SNAP91: variants seen among roughly 807,000 people sequenced by gnomAD.
SNAP91 encodes the protein clathrin coat assembly protein AP180.
Under a neutral mutation model 100.3 loss-of-function variants are expected in SNAP91, and 27 were observed. The observed-to-expected ratio is 0.27, with a 90% CI of 0.20 to 0.37. The LOEUF is 0.37. SNAP91 is among the 10% of genes least tolerant of loss of function. SNAP91 has a pLI of 1.00. For missense variants in SNAP91, 986 were observed against 1,123.7 expected, an observed-to-expected ratio of 0.88 and a Z score of 1.75; for synonymous variants, 404 against 398.6, an observed-to-expected ratio of 1.01 and a Z score of -0.16.
intron 11 of SNAP91, among the ~76,000 whole-genome samples, chr6:83,611,789 C>T (rs944390804): frequency 2.0e-5 from 3 of 151,372 alleles, no homozygotes; most frequent in East Asian, 3.9e-4. Flanking sequence ...CTCCGCCTCC[C>T]GGGTTCACGC....
At position 83,617,014 on chromosome 6, in the gene SNAP91, A is replaced by T. The variant is rs1338993222; in HGVS notation, c.833T>A (p.Leu278His). The T allele has an allele frequency of 6.5e-7, 1 of 1,548,164 alleles. No homozygotes were observed. The change falls in exon 10 of 30, where the codon CTT becomes CAT. Residue 278 changes from leucine (L) to histidine (H), a missense_variant. By Grantham distance (99) the Leu-to-His change is moderately conservative (BLOSUM62 -3). Transcript: ENST00000369694. Reference sequence around the variant, plus strand: ...TTCTAATGTATTTAGATGCTGTTCAAGCGTCTCCATAAGACTGCTGGGAGC... The same window carrying T: ...TTCTAATGTATTTAGATGCTGTTCATGCGTCTCCATAAGACTGCTGGGAGC... ...TQAPSSLMET[L>H]EQHLNTLEGK...
At chr6:83,564,205 T>C (rs1223113447) in intron 26 of SNAP91, among the ~76,000 whole-genome samples, 1 of 152,170 alleles carries the variant, frequency 6.6e-6, no homozygotes, top group Admixed American at 6.5e-5. Flanking sequence ...CATACCTCTA[T>C]GGTTAATTTT....
chr6:83,652,893 A>G (rs764410145), intron 7 of SNAP91, among the ~76,000 whole-genome samples: 1 of 152,174 alleles, frequency 6.6e-6, no homozygotes, highest in Non-Finnish European at 1.5e-5. Context: ...GGGTTGTCTC[A>G]GCACTAAACA....
intron 7 of SNAP91, among the ~76,000 whole-genome samples, chr6:83,654,839 A>G (rs1333399155): frequency 2.0e-5 from 3 of 152,214 alleles, no homozygotes; most frequent in African/African-American, 7.2e-5. Context: ...CTCATTTACC[A>G]GAAGAAAATC....
intron 7 of SNAP91, 68 bp downstream of exon 7, chr6:83,656,686 C>G (rs1380270519): frequency 4.6e-6 from 3 of 658,256 alleles, no homozygotes; most frequent in East Asian, 3.0e-5. Flanking sequence ...AACAGACTCA[C>G]CCCACAGAAT....
chr6:83,650,807 T>C (rs1482156979), intron 7 of SNAP91, among the ~76,000 whole-genome samples: 1 of 152,214 alleles, frequency 6.6e-6, no homozygotes, highest in Non-Finnish European at 1.5e-5. Context: ...TCTATTTCTA[T>C]CTTCTGGAAG....
chr6:83,575,478 G>C, intron 25 of SNAP91: 1 of 266,076 alleles, frequency 3.8e-6, no homozygotes, highest in Non-Finnish European at 7.0e-6. Flanking sequence ...AATTTAAGAT[G>C]CACTGATGAT....
chr6:83,591,368 A>G, intron 21 of SNAP91, 74 bp from the exon 22 acceptor site: 2 of 947,272 alleles, frequency 2.1e-6, no homozygotes, highest in Non-Finnish European at 3.5e-6. Context: ...TTTAAGTATT[A>G]TGTAGAGAAA....
At chr6:83,639,836 C>T (rs1197131002) in intron 8 of SNAP91, among the ~76,000 whole-genome samples, 2 of 152,190 alleles carry the variant, frequency 1.3e-5, no homozygotes, top group East Asian at 3.9e-4. Context: ...CGTACTCAGG[C>T]ATAATTTATC....
rs538760100 is a variant in SNAP91 at position 83,698,025 on chromosome 6, A to G, written c.130+9773T>C. On this transcript the variant is annotated intron_variant, in intron 2 of 29. Coordinates refer to ENST00000369694, the MANE Select transcript of SNAP91 (RefSeq NM_001242792.2). ...CATGTAGGCACTGAAAAGAAAGCCT[A>G]AAACTAGAGTTTTAGAAATTAGATT... Among the ~76,000 whole-genome samples, 8 of 152,290 alleles carry G rather than the reference A, an allele frequency of 5.3e-5. No individual in the cohort carries two copies. In the South Asian group the frequency reaches 1.7e-3, roughly 32 times the overall value.
At chr6:83,596,884 A>T (rs919891944) in intron 16 of SNAP91, among the ~76,000 whole-genome samples, 7 of 152,220 alleles carry the variant, frequency 4.6e-5, no homozygotes, top group African/African-American at 1.7e-4. Flanking sequence ...TTTATGAAAT[A>T]TGCCTCATTC....
intron 26 of SNAP91, among the ~76,000 whole-genome samples, chr6:83,573,824 T>C (rs202213368): frequency 1.6e-4 from 24 of 152,258 alleles, no homozygotes; most frequent in Non-Finnish European, 2.4e-4. Flanking sequence ...AAGACTTAAA[T>C]GTTAGACCTA....
intron 7 of SNAP91, among the ~76,000 whole-genome samples, chr6:83,653,598 C>T (rs187732963): frequency 6.6e-6 from 1 of 152,112 alleles, no homozygotes; most frequent in Non-Finnish European, 1.5e-5. Flanking sequence ...ATTCCTTCAT[C>T]CCTGCCATGT....
intron 7 of SNAP91, among the ~76,000 whole-genome samples, chr6:83,645,805 C>T (rs12154161): frequency 0.061 from 9,293 of 152,190 alleles, 287 homozygotes; most frequent in Middle Eastern, 0.085. Context: ...GAGCTGTGTT[C>T]GTGCCACTGC....
chr6:83,628,557 G>A (rs974549767), intron 8 of SNAP91, among the ~76,000 whole-genome samples: 3 of 151,298 alleles, frequency 2.0e-5, no homozygotes, highest in African/African-American at 7.3e-5. Flanking sequence ...TTTGATTATG[G>A]CCATTCTTGC....
chr6:83,656,698 C>A (rs1454919717), intron 7 of SNAP91, 56 bp downstream of exon 7: 3 of 739,300 alleles, frequency 4.1e-6, no homozygotes, highest in South Asian at 1.9e-5. Flanking sequence ...CCACAGAATT[C>A]ATCAATCTTA....
At chr6:83,582,857 A>C (rs1402509934) in intron 22 of SNAP91, among the ~76,000 whole-genome samples, 2 of 152,226 alleles carry the variant, frequency 1.3e-5, no homozygotes, top group East Asian at 3.9e-4. Context: ...GGCCCCCGCA[A>C]CCCTGCTCTC....
intron 6 of SNAP91, among the ~76,000 whole-genome samples, chr6:83,657,504 G>A (rs781477123): frequency 8.5e-5 from 13 of 152,102 alleles, no homozygotes; most frequent in Non-Finnish European, 1.8e-4. Flanking sequence ...AAGGCAATTC[G>A]ACAGATACTT....
At chr6:83,608,344 T>C (rs1249727689) in intron 12 of SNAP91, among the ~76,000 whole-genome samples, 2 of 152,144 alleles carry the variant, frequency 1.3e-5, no homozygotes, top group African/African-American at 4.8e-5. Flanking sequence ...ATCATGACTA[T>C]AGCCCATCAC....
Sources: gnomAD v4.1 joint callset for allele counts (sites outside exome capture counted in the v4.1 genomes callset) on GRCh38, gnomAD v4.1.1 for gene constraint, MANE v1.5 for transcripts, NCBI Gene and HGNC (gene_info 2026-07-23, HGNC 2026-07-21) for gene names.